Variants in CYP4F8 observed in about 807,000 individuals in gnomAD.
CYP4F8 encodes cytochrome P450 4F8.
A neutral mutation model predicts 55.0 loss-of-function variants in CYP4F8; 56 were observed. The observed-to-expected ratio is 1.02, with a 90% CI of 0.82 to 1.27. The LOEUF (loss-of-function observed/expected upper bound fraction) is 1.27, where lower values mean the gene tolerates loss of function less well. CYP4F8 is among the 50% of genes most tolerant of loss of function. The pLI is 0.00. For synonymous variants in CYP4F8, 288 were observed against 267.3 expected (o/e 1.08, Z -0.76); for missense variants, 680 against 682.4 (o/e 1.00, Z 0.04).
rs370130539 is a variant in CYP4F8 at position 15,628,782 on chromosome 19, G to C, written c.1336G>C (p.Asp446His). 525 of 1,611,932 alleles carry C rather than the reference G, an allele frequency of 3.3e-4. No homozygotes were observed. Among genetic ancestry groups the C allele is most frequent in the Non-Finnish European group, 3.8e-4 (446 of 1,179,224 alleles). ...DPEVYDPFRF[D>H]PENAQKRSPM... ...CCAGGTCTATGACCCCTTCCGCTTC[G>C]ACCCAGAAAACGCCCAGAAGAGGTC... The change falls in exon 12 of 13, where the codon GAC becomes CAC. Residue 446 changes from aspartate (D) to histidine (H), a missense_variant. Asp to His is a moderately conservative substitution (Grantham distance 81). Coordinates refer to ENST00000612078, the MANE Select transcript of CYP4F8 (RefSeq NM_007253.4).
rs969288511 is a variant in CYP4F8, at chr19:15,628,055, C to A, written c.1116-247C>A. 4 of 542,202 alleles carry A rather than the reference C, an allele frequency of 7.4e-6. No homozygotes were observed. In the East Asian group the frequency reaches 1.5e-4, roughly 20 times the overall value. The allele number at this position is 542,202 out of a possible 1,614,324, so 33.6% of individuals were successfully genotyped here. On this transcript the variant is annotated intron_variant, in intron 9 of 12. Coordinates refer to ENST00000612078, the MANE Select transcript of CYP4F8 (RefSeq NM_007253.4). ...ATTACAGGAGTGAGCCACTGCACCC[C>A]GCCGGAATGAATACTTTTAAGAGAC...
In CYP4F8 at chr19:15,615,823, C is replaced by T. The variant is rs370056078; in HGVS notation, c.198+9C>T. ...TGGGTCACCTGGGCCTGGTGAGTGG[C>T]AGGAGGATGGATCTAGTGTCTCAGG... On this transcript the variant is annotated intron_variant, in intron 2 of 12. Transcript: ENST00000612078. 2 of 1,604,970 alleles carry T rather than the reference C, an allele frequency of 1.2e-6. No individual in the cohort carries two copies. The highest frequency in any genetic ancestry group is 1.7e-6 in the Non-Finnish European group (2 of 1,174,740).
At chr19:15,619,355 C>A in intron 3 of CYP4F8, 135 bp from the exon 4 acceptor site, 3 of 992,114 alleles carry the variant, frequency 3.0e-6, no homozygotes, top group Non-Finnish European at 4.4e-6. Context: ...CTTTCTTCTT[C>A]TGCCCATGGC....
Position 15,629,555 on chromosome 19 carries a change from C to T in CYP4F8, c.*197C>T, listed in dbSNP as rs1972310171. ...GAGATGTCTCTGTGCCCAAGATACT[C>T]ACTGCCTCTCTGGGTGAGCACAGGA... On this transcript the variant is annotated 3_prime_UTR_variant, in exon 13 of 13. Transcript: ENST00000612078. 1.4e-6 allele frequency: 1 copy of T among 700,348 alleles called. No individual in the cohort carries two copies. The highest frequency in any genetic ancestry group is 2.2e-6 in the Non-Finnish European group (1 of 454,500). 43.4% of individuals were successfully genotyped at this position (700,348 alleles called of 1,614,324 possible).
intron 11 of CYP4F8, 59 bp from the exon 12 acceptor site, chr19:15,628,702 G>T (rs1248164870): frequency 1.9e-6 from 3 of 1,608,960 alleles, no homozygotes; most frequent in African/African-American, 2.7e-5. Context: ...TGTTTTATGT[G>T]GGGGTGGCTG....
chr19:15,628,777 G>T lies in CYP4F8; in HGVS notation c.1331G>T (p.Arg444Leu), dbSNP rs778565212. ...CCACCCCAGGTCTATGACCCCTTCC[G>T]CTTCGACCCAGAAAACGCCCAGAAG... ...WPDPEVYDPFRFDPENAQKRS... is the reference protein window; with the variant it reads ...WPDPEVYDPFLFDPENAQKRS... The change falls in exon 12 of 13, where the codon CGC (arginine) becomes CTC (leucine). Residue 444 changes from arginine (R) to leucine (L), a missense_variant. Physicochemically the swap from Arg to Leu is moderately radical, Grantham distance 102. Transcript: ENST00000612078. 2 of 1,612,016 alleles carry T rather than the reference G, an allele frequency of 1.2e-6. No individual in the cohort carries two copies. The highest frequency in any genetic ancestry group is 1.3e-5 in the African/African-American group (1 of 74,704).
In CYP4F8 at chr19:15,619,446, C is replaced by T. The variant is rs1217138081; in HGVS notation, c.344-44C>T. 3.7e-6 allele frequency: 6 copies of T among 1,612,532 alleles called. No homozygotes were observed. In the South Asian group the frequency reaches 5.5e-5, roughly 15 times the overall value. On this transcript the variant is annotated intron_variant, in intron 3 of 12. Coordinates refer to ENST00000612078, the MANE Select transcript of CYP4F8 (RefSeq NM_007253.4). ...CCACCCTCCATACCCAAAGTCCCTC[C>T]TCTATTCCTCTCCATGGACCCTGAT...
intron 1 of CYP4F8, 167 bp downstream of exon 1, chr19:15,615,447 C>A: frequency 1.4e-6 from 1 of 716,332 alleles, no homozygotes; most frequent in Non-Finnish European, 2.2e-6. Context: ...TTTCCTTGAT[C>A]TCTAATTTTG....
rs2144598338 is a variant in CYP4F8 at position 15,615,706 on chromosome 19, C to T, written c.90C>T (p.Leu30=). Residue 30 remains leucine, a synonymous_variant, in exon 2 of 13, where the codon CTC becomes CTT. Transcript: ENST00000612078. ...LLLLVVGASW[L]LARILAWTYA... ...TGCTGGTGGTCGGGGCCTCCTGGCT[C>T]CTGGCCCGCATCCTGGCCTGGACCT... 1.2e-6 allele frequency: 2 copies of T among 1,614,060 alleles called. No homozygotes were observed. The highest frequency in any genetic ancestry group is 1.7e-6 in the Non-Finnish European group (2 of 1,179,958).
chr19:15,616,256 T>C lies in CYP4F8; in HGVS notation c.198+442T>C, dbSNP rs201504296. Among the ~76,000 whole-genome samples the C allele has an allele frequency of 4.7e-5, 7 of 147,940 alleles. No individual in the cohort carries two copies. The East Asian group carries it at 6.5e-4, about 14-fold the overall frequency. On this transcript the variant is annotated intron_variant, in intron 2 of 12. Coordinates refer to ENST00000612078, the MANE Select transcript of CYP4F8 (RefSeq NM_007253.4). The stretch of plus-strand genomic sequence containing the variant: ...CTCACCCACTCATTCCTCTCCTCGC[T>C]CACTCATTCCTCTCCTCGCTCACTC...
chr19:15,629,144 C>T (rs759702208), intron 12 of CYP4F8, 49 bp from the exon 13 acceptor site: 140 of 1,526,132 alleles, frequency 9.2e-5, no homozygotes, highest in Non-Finnish European at 1.1e-4. Flanking sequence ...CGCAGTGGGG[C>T]CGGGATCTGG....
chr19:15,629,501 G>A lies in CYP4F8; in HGVS notation c.*143G>A, dbSNP rs1972309166. On this transcript the variant is annotated 3_prime_UTR_variant, in exon 13 of 13. Transcript: ENST00000612078. ...GTAGGGGGCGCTGGAGGACTGCGGGGATCTAGGGCCTGGCTGGGAAGAGGC... is the reference window on the plus strand; with the variant it reads ...GTAGGGGGCGCTGGAGGACTGCGGGAATCTAGGGCCTGGCTGGGAAGAGGC... 1 of 1,192,994 alleles carries A rather than the reference G, an allele frequency of 8.4e-7. No individual in the cohort carries two copies. The highest frequency in any genetic ancestry group is 3.3e-5 in the Admixed American group (1 of 30,656). 73.9% of individuals were successfully genotyped at this position (1,192,994 alleles called of 1,614,324 possible).
At position 15,618,164 on chromosome 19, in the gene CYP4F8, G is replaced by T. The variant is rs1568381866; in HGVS notation, c.343+20G>T. ...CCTCAGGTACTCCTGCAGAGCTTGT[G>T]GTGGTGGGCACAGGAGAACATTGGA... On this transcript the variant is annotated intron_variant, in intron 3 of 12. Transcript: ENST00000612078. The T allele has an allele frequency of 1.2e-6, 2 of 1,614,032 alleles. No individual in the cohort carries two copies. The highest frequency in any genetic ancestry group is 2.2e-5 in the East Asian group (1 of 44,888).
rs550599706 is a variant in CYP4F8, at chr19:15,623,919, G to T, written c.986-46G>T. The T allele has an allele frequency of 1.8e-5, 29 of 1,608,320 alleles. No homozygotes were observed. In the African/African-American group the frequency reaches 3.9e-4, roughly 21 times the overall value. On this transcript the variant is annotated intron_variant, in intron 8 of 12. Transcript: ENST00000612078. ...TGTATGGGCGCTGTCCACCCTCTGG[G>T]TGCTGAAGCAGCCCAGAGACTCAAG...
intron 8 of CYP4F8, 31 bp from the exon 9 acceptor site, chr19:15,623,934 A>G (rs765004052): frequency 6.2e-7 from 1 of 1,611,864 alleles, no homozygotes; most frequent in Non-Finnish European, 8.5e-7. Context: ...GAAGCAGCCC[A>G]GAGACTCAAG....
intron 9 of CYP4F8, among the ~76,000 whole-genome samples, chr19:15,625,404 CAT>C (rs1972250384): frequency 2.0e-5 from 3 of 148,592 alleles, no homozygotes; most frequent in Non-Finnish European, 4.5e-5. Flanking sequence ...TACACACACA[CAT>C]ACTATATATA....
rs1289118702 is a variant in CYP4F8, at chr19:15,629,338, C to T, written c.1543C>T (p.Arg515Ter). 5 of 1,610,668 alleles carry T rather than the reference C, an allele frequency of 3.1e-6. No homozygotes were observed. The highest frequency in any genetic ancestry group is 4.2e-6 in the Non-Finnish European group (5 of 1,178,280). Residue 515 changes from arginine to a stop codon, truncating the protein, a stop_gained, in exon 13 of 13, where the codon CGA becomes TGA. Transcript: ENST00000612078. LOFTEE classifies it high-confidence loss of function. The stretch of plus-strand genomic sequence containing the variant: ...GCGTGCGGAGGACGGACTTTGGCTG[C>T]GAGTAGAACCCCTGGGCTGAGGCCT... ...VLRAEDGLWLRVEPLG is the reference protein window; with the variant it reads ...VLRAEDGLWL
At chr19:15,623,803 G>A (rs774870708) in intron 8 of CYP4F8, 38 bp downstream of exon 8, 1 of 1,611,494 alleles carries the variant, frequency 6.2e-7, no homozygotes, top group Non-Finnish European at 8.5e-7. Flanking sequence ...GGGGACAGGG[G>A]TCTCTCCACT....
At chr19:15,617,152 T>C (rs1013953316) in intron 2 of CYP4F8, among the ~76,000 whole-genome samples, 10 of 152,174 alleles carry the variant, frequency 6.6e-5, no homozygotes, top group African/African-American at 9.7e-5. Flanking sequence ...CACACCACAC[T>C]TGTGGAGCCC....
Sources: gnomAD v4.1 joint callset for allele counts (sites outside exome capture counted in the v4.1 genomes callset) on GRCh38, gnomAD v4.1.1 for gene constraint, MANE v1.5 for transcripts, NCBI Gene and HGNC (gene_info 2026-07-23, HGNC 2026-07-21) for gene names.